DNAJC7: variants seen among roughly 807,000 people sequenced by gnomAD.
DNAJC7 encodes the protein DnaJ heat shock protein family (Hsp40) member C7.
A neutral mutation model predicts 67.4 loss-of-function variants in DNAJC7; 18 were observed. The ratio of observed to expected loss-of-function variants is 0.27; its 90% CI spans 0.18 to 0.40. DNAJC7 has a LOEUF of 0.40. Among genes scored for constraint, DNAJC7 ranks in the 10% least tolerant of loss-of-function variants. DNAJC7 has a pLI of 1.00. For missense variants in DNAJC7, 419 were observed against 613.8 expected (o/e 0.68, Z 3.35); for synonymous variants, 220 against 207.8 (o/e 1.06, Z -0.50).
chr17:42,015,374 G>C (rs782668472), intron 1 of DNAJC7: 1 of 152,064 alleles, frequency 6.6e-6, no homozygotes, highest in African/African-American at 2.4e-5. Context: ...TCACATTACA[G>C]CATAACCTAT....
chr17:42,012,400 T>C (rs2052143790), intron 1 of DNAJC7, among the ~76,000 whole-genome samples: 1 of 152,170 alleles, frequency 6.6e-6, no homozygotes, highest in East Asian at 1.9e-4. Flanking sequence ...GGAGAATCAT[T>C]TGAACCCAGG....
intron 8 of DNAJC7, 88 bp downstream of exon 8, chr17:41,988,644 C>G: frequency 7.0e-7 from 1 of 1,430,146 alleles, no homozygotes; most frequent in Non-Finnish European, 9.3e-7. Flanking sequence ...TTTCATCTTG[C>G]TTACCCTCAC....
intron 1 of DNAJC7, chr17:42,001,141 C>G (rs1231979927): frequency 6.6e-6 from 1 of 152,506 alleles, no homozygotes; most frequent in African/African-American, 2.4e-5. Flanking sequence ...AAGACAGGAA[C>G]AGAGCTGAGT....
intron 9 of DNAJC7, chr17:41,985,444 G>C (rs1555646619): frequency 6.7e-6 from 1 of 149,558 alleles, no homozygotes; most frequent in Non-Finnish European, 1.5e-5. Flanking sequence ...AAGGAAAATT[G>C]ATAGCTGATA....
intron 1 of DNAJC7, chr17:42,014,921 G>T (rs2052225174): frequency 6.6e-6 from 1 of 151,370 alleles, no homozygotes; most frequent in African/African-American, 2.4e-5. Context: ...AATGCATGTT[G>T]TCATGTTTAA....
chr17:41,990,906 GTCC>G (rs1177260554), intron 5 of DNAJC7, among the ~76,000 whole-genome samples: 2 of 151,762 alleles, frequency 1.3e-5, no homozygotes, highest in African/African-American at 2.4e-5. Flanking sequence ...CTCGTGATCC[GTCC>G]TCCTCAGCCT....
intron 3 of DNAJC7, 54 bp downstream of exon 3, chr17:41,997,061 G>A: frequency 6.2e-7 from 1 of 1,611,114 alleles, no homozygotes; most frequent in Non-Finnish European, 8.5e-7. Context: ...CGGGGCTAGA[G>A]AAACTCAACT....
intron 1 of DNAJC7, 143 bp downstream of exon 1, chr17:42,017,197 T>TC: frequency 6.3e-7 from 1 of 1,580,316 alleles, no homozygotes; most frequent in Non-Finnish European, 8.5e-7. Flanking sequence ...AGGGGGTCCA[T>TC]CCGGCCTTGA....
intron 4 of DNAJC7, among the ~76,000 whole-genome samples, chr17:41,996,069 A>G (rs782037591): frequency 2.0e-5 from 3 of 152,258 alleles, no homozygotes; most frequent in African/African-American, 4.8e-5. Context: ...GCATTTGCCT[A>G]TTCCCCAGCT....
chr17:41,996,576 C>T (rs2051664825), intron 3 of DNAJC7, among the ~76,000 whole-genome samples, 152 bp from the exon 4 acceptor site: 1 of 152,168 alleles, frequency 6.6e-6, no homozygotes, highest in East Asian at 1.9e-4. Flanking sequence ...CTGAGGCGGG[C>T]AGATCACTCA....
At chr17:42,006,808 A>AG (rs1555650374) in intron 1 of DNAJC7, among the ~76,000 whole-genome samples, 13 of 139,290 alleles carry the variant, frequency 9.3e-5, no homozygotes, top group East Asian at 2.1e-4. Context: ...AAAAAAAAAA[A>AG]AAAAAAAAAA....
intron 9 of DNAJC7, chr17:41,985,200 G>A (rs1555646586): frequency 1.3e-5 from 2 of 152,102 alleles, no homozygotes; most frequent in East Asian, 3.9e-4. Context: ...CTACCAATGT[G>A]GCTGGCAAAA....
Position 41,982,417 on chromosome 17 carries a change from T to C in DNAJC7, c.1085-16A>G. On this transcript the variant is annotated splice_polypyrimidine_tract_variant and intron_variant, in intron 10 of 13. Coordinates refer to ENST00000457167, the MANE Select transcript of DNAJC7 (RefSeq NM_003315.4). ...TGTTTGTGTTCTACAGGAAGACATCTGGCATCAGTGGACAAATCTGACTCT... is the reference window on the plus strand; with the variant it reads ...TGTTTGTGTTCTACAGGAAGACATCCGGCATCAGTGGACAAATCTGACTCT... The C allele has an allele frequency of 2.5e-6, 4 of 1,612,992 alleles. No individual in the cohort carries two copies. The highest frequency in any genetic ancestry group is 3.4e-6 in the Non-Finnish European group (4 of 1,179,356).
At chr17:41,984,112 G>C (rs2051315927) in intron 9 of DNAJC7, among the ~76,000 whole-genome samples, 2 of 152,146 alleles carry the variant, frequency 1.3e-5, no homozygotes, top group South Asian at 4.1e-4. Context: ...CCACTAAAAG[G>C]ATCAAGTTCA....
At position 41,982,282 on chromosome 17, in the gene DNAJC7, G is replaced by A. The variant is rs1555646097; in HGVS notation, c.1204C>T (p.Arg402Trp). The A allele has an allele frequency of 2.5e-6, 4 of 1,614,002 alleles. No individual in the cohort carries two copies. The highest frequency in any genetic ancestry group is 2.5e-6 in the Non-Finnish European group (3 of 1,179,902). ...GGATGGTGCATCAAGGCCCGTTTCC[G>A]ATAAGCTTTCTTGATCTCGTCCTCA... is the stretch of plus-strand genomic sequence containing the variant. The part of the protein sequence containing the change: ...ASEDEIKKAY[R>W]KRALMHHPDR... Residue 402 changes from arginine to tryptophan, a missense_variant, in exon 11 of 14, where the codon CGG (arginine) becomes TGG (tryptophan). Physicochemically the swap from Arg to Trp is moderately radical, Grantham distance 101 (BLOSUM62 -3). Around this residue, in one of 4 missense-constraint regions of DNAJC7, gnomAD observed 161 missense variants for 252.2 expected, o/e 0.64. Transcript: ENST00000457167.
intron 12 of DNAJC7, among the ~76,000 whole-genome samples, chr17:41,979,717 C>G (rs2051197726): frequency 6.7e-6 from 1 of 149,494 alleles, no homozygotes; most frequent in Admixed American, 6.7e-5. Flanking sequence ...AATTCCAGCC[C>G]TTTGGGAGGC....
intron 13 of DNAJC7, 25 bp from the exon 14 acceptor site, chr17:41,976,795 A>G: frequency 1.2e-6 from 2 of 1,604,706 alleles, no homozygotes; most frequent in South Asian, 1.1e-5. Context: ...AGGGGTTGGT[A>G]GTTGGCTATG....
chr17:41,994,043 CAAA>C (rs1159653783), intron 5 of DNAJC7, among the ~76,000 whole-genome samples: 1 of 100,706 alleles, frequency 9.9e-6, no homozygotes, highest in Non-Finnish European at 2.0e-5. Flanking sequence ...AACTCTCTCT[CAAA>C]AAAAAAAAAG....
intron 9 of DNAJC7, among the ~76,000 whole-genome samples, chr17:41,984,074 A>G (rs1430395527): frequency 2.0e-5 from 3 of 152,222 alleles, no homozygotes; most frequent in Admixed American, 2.0e-4. Flanking sequence ...GACTAGCTAC[A>G]ATCCAGAATA....
Sources: gnomAD v4.1 joint callset for allele counts (sites outside exome capture counted in the v4.1 genomes callset) on GRCh38, gnomAD v4.1.1 for gene constraint, gnomAD v4.1.1 regional missense constraint, MANE v1.5 for transcripts, NCBI Gene and HGNC (gene_info 2026-07-23, HGNC 2026-07-21) for gene names.